Variants in CLDN16 observed in about 807,000 individuals in gnomAD.
The protein encoded by CLDN16 is claudin 16, also known as claudin-16.
In CLDN16, 13 loss-of-function variants were observed where a neutral mutation model predicts 24.6. That is an observed-to-expected ratio of 0.53 (90% CI 0.34 to 0.84). The LOEUF (loss-of-function observed/expected upper bound fraction) is 0.84, where lower values mean the gene tolerates loss of function less well. Ranked by LOEUF, CLDN16 falls within the 40% of genes least tolerant of loss-of-function variation. The pLI, the probability that CLDN16 is intolerant of heterozygous loss-of-function variation, is 0.01. For synonymous variants in CLDN16, 116 were observed against 106.7 expected, an observed-to-expected ratio of 1.09 and a Z score of -0.54; for missense variants, 298 against 292.7, an observed-to-expected ratio of 1.02 and a Z score of -0.13.
At chr3:190,373,539 A>T (rs1185011333) in intron 2 of CLDN16, among the ~76,000 whole-genome samples, 1 of 152,010 alleles carries the variant, frequency 6.6e-6, no homozygotes, top group Non-Finnish European at 1.5e-5. Context: ...ATTCTTTACT[A>T]AACTTGTTAA....
chr3:190,406,739 C>CTTTT (rs35773061), intron 3 of CLDN16, among the ~76,000 whole-genome samples: 7 of 107,416 alleles, frequency 6.5e-5, no homozygotes, highest in Admixed American at 2.0e-4. Flanking sequence ...TATTATCTGG[C>CTTTT]TTTTTTTTTT....
At chr3:190,374,376 A>G (rs1718205363) in intron 2 of CLDN16, among the ~76,000 whole-genome samples, 1 of 151,394 alleles carries the variant, frequency 6.6e-6, no homozygotes, top group Non-Finnish European at 1.5e-5. Context: ...TAAGTTATCA[A>G]CAAGTTCCAT....
the CLDN16 span, among the ~76,000 whole-genome samples, chr3:190,301,472 C>T: frequency 0.081 from 11,967 of 147,412 alleles, 485 homozygotes; most frequent in Non-Finnish European, 0.084. Flanking sequence ...CCAGCCTGGG[C>T]GACAGAATGA....
chr3:190,389,037 A>G (rs1577421808), intron 1 of CLDN16, among the ~76,000 whole-genome samples: 1 of 152,232 alleles, frequency 6.6e-6, no homozygotes, highest in Admixed American at 6.5e-5. Context: ...GCATGGATTT[A>G]AATCCTCCCT....
At chr3:190,374,022 A>G (rs1314490297) in intron 2 of CLDN16, among the ~76,000 whole-genome samples, 1 of 151,972 alleles carries the variant, frequency 6.6e-6, no homozygotes, top group Admixed American at 6.6e-5. Flanking sequence ...TTTAGCCCCA[A>G]ATGCTTATAT....
At chr3:190,307,719 G>A in the CLDN16 span, 1 of 152,826 alleles carries the variant, frequency 6.5e-6, no homozygotes, top group Non-Finnish European at 1.5e-5. Context: ...GGGCACGCAT[G>A]AAGAATTGAA....
intron 1 of CLDN16, among the ~76,000 whole-genome samples, chr3:190,391,765 T>G (rs531388562): frequency 6.6e-6 from 1 of 152,284 alleles, no homozygotes; most frequent in Admixed American, 6.5e-5. Context: ...AAGTTCTTCG[T>G]ATTAGGTAAA....
chr3:190,335,644 G>A (rs11708506), intron 1 of CLDN16, among the ~76,000 whole-genome samples: 45,905 of 148,798 alleles, frequency 0.31, 7,402 homozygotes, highest in East Asian at 0.59. Flanking sequence ...CCCAGGAGGC[G>A]GAGCTTGCAG....
rs961442304 is a variant in CLDN16 at position 190,356,112 on chromosome 3, G to A, written n.122-14781G>A. Among the ~76,000 whole-genome samples, 20 of 151,714 alleles carry A rather than the reference G, an allele frequency of 1.3e-4. No individual in the cohort carries two copies. In the South Asian group the frequency reaches 2.3e-3, roughly 17 times the overall value. Reference sequence around the variant, plus strand: ...AAATCAATATGATTTTTGCTGAAAAGAATAAAAGTCATCATTTTGGTAGGC... The same window carrying A: ...AAATCAATATGATTTTTGCTGAAAAAAATAAAAGTCATCATTTTGGTAGGC... On this transcript the variant is annotated intron_variant and non_coding_transcript_variant, in intron 1 of 4. Coordinates refer to the CLDN16 transcript ENST00000468220.
chr3:190,357,245 C>A (rs1331750680), intron 1 of CLDN16, among the ~76,000 whole-genome samples: 1 of 151,798 alleles, frequency 6.6e-6, no homozygotes, highest in Non-Finnish European at 1.5e-5. Flanking sequence ...AGAAAACTTT[C>A]TAAAACTTGC....
At chr3:190,334,889 G>T (rs1386425969) in intron 1 of CLDN16, among the ~76,000 whole-genome samples, 1 of 152,162 alleles carries the variant, frequency 6.6e-6, no homozygotes, top group Non-Finnish European at 1.5e-5. Context: ...GAACAGCCTT[G>T]CCCCCTTGCA....
At chr3:190,377,606 G>A (rs1191304672) in intron 3 of CLDN16, among the ~76,000 whole-genome samples, 1 of 152,008 alleles carries the variant, frequency 6.6e-6, no homozygotes. Flanking sequence ...TTCAATGTAT[G>A]TTATTAATCA....
chr3:190,352,341 A>G, intron 1 of CLDN16, among the ~76,000 whole-genome samples: 1 of 152,206 alleles, frequency 6.6e-6, no homozygotes, highest in Middle Eastern at 3.4e-3. Flanking sequence ...GTTGTATTTA[A>G]TTATATTGGA....
the CLDN16 span, among the ~76,000 whole-genome samples, chr3:190,297,166 C>T: frequency 9.8e-6 from 1 of 101,626 alleles, no homozygotes. Flanking sequence ...AGTAAAATTG[C>T]TTTGCTTCCA....
chr3:190,291,345 T>G, the CLDN16 span, among the ~76,000 whole-genome samples: 47 of 152,128 alleles, frequency 3.1e-4, no homozygotes, highest in Non-Finnish European at 6.0e-4. Flanking sequence ...TCCACACAGC[T>G]GGGGAGACCT....
the CLDN16 span, among the ~76,000 whole-genome samples, chr3:190,291,709 AAATAAT>A: frequency 6.6e-6 from 1 of 151,812 alleles, no homozygotes; most frequent in Admixed American, 6.6e-5. Flanking sequence ...GGAGCCTGTA[AAATAAT>A]AATAATAATA....
chr3:190,381,603 C>A (rs913822112), intron 3 of CLDN16, among the ~76,000 whole-genome samples: 1 of 151,902 alleles, frequency 6.6e-6, no homozygotes, highest in Non-Finnish European at 1.5e-5. Flanking sequence ...GATTTAGCAC[C>A]AGTGTATTGG....
chr3:190,390,482 C>T (rs1718620750), intron 1 of CLDN16, among the ~76,000 whole-genome samples: 1 of 152,036 alleles, frequency 6.6e-6, no homozygotes, highest in Non-Finnish European at 1.5e-5. Context: ...TGCACTGAGC[C>T]GAGATTGTGC....
At chr3:190,376,411 C>T (rs938470556) in intron 3 of CLDN16, among the ~76,000 whole-genome samples, 6 of 151,696 alleles carry the variant, frequency 4.0e-5, no homozygotes, top group Non-Finnish European at 7.4e-5. Context: ...AGTCTCCGAC[C>T]TTCAGGAGCT....
Sources: allele counts gnomAD v4.1 joint callset (sites outside exome capture counted in the v4.1 genomes callset), GRCh38; gene constraint gnomAD v4.1.1; transcripts MANE v1.5; gene names NCBI Gene and HGNC (gene_info 2026-07-23, HGNC 2026-07-21).